The following KDM2B variants were observed in gnomAD, a reference collection of about 807,000 sequenced individuals.
KDM2B encodes the protein lysine-specific demethylase 2B.
Under a neutral mutation model 150.0 loss-of-function variants are expected in KDM2B, and 26 were observed. That is an observed-to-expected ratio of 0.17 (90% CI 0.13 to 0.24). The LOEUF is 0.24. Ranked by LOEUF, KDM2B falls within the 10% of genes least tolerant of loss-of-function variation. The pLI, the probability that KDM2B is intolerant of heterozygous loss-of-function variation, is 1.00. For missense variants in KDM2B, 1,265 were observed against 1,816.9 expected (o/e 0.70, Z 5.52); for synonymous variants, 734 against 729.5 (o/e 1.01, Z -0.10).
At chr12:121,555,456 T>G (rs1555312539) in intron 4 of KDM2B, among the ~76,000 whole-genome samples, 1 of 152,162 alleles carries the variant, frequency 6.6e-6, no homozygotes, top group Non-Finnish European at 1.5e-5. Context: ...CACTGCAACC[T>G]CCACCTCCCT....
At chr12:121,562,762 C>A (rs1005895548) in intron 4 of KDM2B, among the ~76,000 whole-genome samples, 27 of 152,004 alleles carry the variant, frequency 1.8e-4, no homozygotes, top group African/African-American at 6.3e-4. Context: ...CAGGTGCAGT[C>A]CTGGCTCCAC....
At chr12:121,508,809 T>C (rs1344180078) in intron 11 of KDM2B, among the ~76,000 whole-genome samples, 1 of 152,194 alleles carries the variant, frequency 6.6e-6, no homozygotes, top group African/African-American at 2.4e-5. Flanking sequence ...AGCTACATAG[T>C]GCCCGCATCA....
Position 121,443,809 on chromosome 12 carries a change from G to T in KDM2B, c.2452-16C>A. The T allele has an allele frequency of 6.7e-7, 1 of 1,501,248 alleles. No individual in the cohort carries two copies. 93.0% of individuals were successfully genotyped at this position (1,501,248 alleles called of 1,614,324 possible). A position where few individuals can be genotyped will look rare whatever the true frequency, so the allele number is the denominator to read the frequency against. On this transcript the variant is annotated splice_polypyrimidine_tract_variant and intron_variant, in intron 16 of 22. Transcript: ENST00000377071. ...GCGATGAGGCCTAAAGGGGGGTGGA[G>T]TGGGAAGAGGAGTGACTCGCTGGTT... is the stretch of plus-strand genomic sequence containing the variant.
At chr12:121,496,260 C>T (rs933061328) in intron 11 of KDM2B, among the ~76,000 whole-genome samples, 2 of 152,090 alleles carry the variant, frequency 1.3e-5, no homozygotes, top group Non-Finnish European at 2.9e-5. Flanking sequence ...TGTGTTTAAG[C>T]ACACACAGAA....
At chr12:121,563,695 G>C (rs1325980695) in intron 4 of KDM2B, among the ~76,000 whole-genome samples, 1 of 151,930 alleles carries the variant, frequency 6.6e-6, no homozygotes, top group Non-Finnish European at 1.5e-5. Flanking sequence ...GAGGCAGGCA[G>C]ATCACCTGAG....
chr12:121,414,937 C>G, the KDM2B span, among the ~76,000 whole-genome samples: 1 of 152,206 alleles, frequency 6.6e-6, no homozygotes, highest in African/African-American at 2.4e-5. Context: ...TCTACCAAAA[C>G]TACAAAAAAT....
chr12:121,456,352 G>A (rs928172200), intron 12 of KDM2B, among the ~76,000 whole-genome samples: 9 of 152,110 alleles, frequency 5.9e-5, no homozygotes, highest in African/African-American at 1.9e-4. Context: ...ATCCAAAAAC[G>A]TTTCTCCCTG....
At chr12:121,545,941 C>T (rs1458663357) in intron 6 of KDM2B, among the ~76,000 whole-genome samples, 1 of 152,092 alleles carries the variant, frequency 6.6e-6, no homozygotes, top group South Asian at 2.1e-4. Context: ...AAAGCCCTCC[C>T]AGTCTTCTTC....
intron 13 of KDM2B, among the ~76,000 whole-genome samples, chr12:121,450,236 C>A (rs1199773738): frequency 6.6e-6 from 1 of 151,650 alleles, no homozygotes; most frequent in Non-Finnish European, 1.5e-5. Flanking sequence ...ATTTCTTGAA[C>A]CCAGGAGGCA....
At chr12:121,574,058 C>A (rs1162808525) in intron 4 of KDM2B, among the ~76,000 whole-genome samples, 5 of 152,124 alleles carry the variant, frequency 3.3e-5, no homozygotes, top group Non-Finnish European at 5.9e-5. Context: ...ACTGGCCGAG[C>A]GTCCAGAGTA....
chr12:121,552,647 T>G (rs1332077741), intron 4 of KDM2B, among the ~76,000 whole-genome samples: 1 of 143,674 alleles, frequency 7.0e-6, no homozygotes, highest in Non-Finnish European at 1.5e-5. Context: ...CACTCTAGCC[T>G]GGGTGACATG....
chr12:121,571,200 T>C (rs1237565481), intron 4 of KDM2B, among the ~76,000 whole-genome samples: 1 of 152,236 alleles, frequency 6.6e-6, no homozygotes, highest in African/African-American at 2.4e-5. Flanking sequence ...GGGGAATTGA[T>C]ACAGTGTTTC....
chr12:121,443,931 C>T (rs1875650159), intron 16 of KDM2B, 81 bp downstream of exon 16: 2 of 1,511,240 alleles, frequency 1.3e-6, no homozygotes, highest in Non-Finnish European at 1.8e-6. Context: ...CTGCTGCCCA[C>T]CCCCTGCCCC....
At chr12:121,423,729 G>A in the KDM2B span, 3 of 696,148 alleles carry the variant, frequency 4.3e-6, no homozygotes, top group Admixed American at 9.1e-5. This position sits in a 1 kb window ranked among gnomAD's most constrained non-coding sequence, Gnocchi z 4.3. Context: ...ATCCTGAGTT[G>A]TGGAAACATT....
intron 6 of KDM2B, among the ~76,000 whole-genome samples, chr12:121,535,169 G>A (rs1216437706): frequency 4.0e-5 from 6 of 149,356 alleles, no homozygotes; most frequent in East Asian, 3.9e-4. Context: ...CTAACTGTGC[G>A]ACACTCCTAA....
intron 4 of KDM2B, among the ~76,000 whole-genome samples, chr12:121,563,497 C>T (rs1209659157): frequency 6.6e-6 from 1 of 151,762 alleles, no homozygotes; most frequent in Non-Finnish European, 1.5e-5. Flanking sequence ...ATCCTGGCTA[C>T]TCGGGAGGCT....
intron 6 of KDM2B, among the ~76,000 whole-genome samples, chr12:121,547,648 T>C (rs1889167920): frequency 7.4e-6 from 1 of 135,832 alleles, no homozygotes. Context: ...CCCCTTCCTT[T>C]TTTTTTTTTT....
chr12:121,460,286 C>T (rs539445741), intron 12 of KDM2B, among the ~76,000 whole-genome samples: 1 of 152,364 alleles, frequency 6.6e-6, no homozygotes, highest in South Asian at 2.1e-4. Context: ...CACATAAATG[C>T]AATGCAACAT....
chr12:121,440,681 G>T, intron 21 of KDM2B, 135 bp downstream of exon 21: 2 of 893,546 alleles, frequency 2.2e-6, no homozygotes, highest in Non-Finnish European at 3.4e-6. Flanking sequence ...TGTGCCTGAA[G>T]CAAACTGAGA....
Sources: allele counts gnomAD v4.1 joint callset (sites outside exome capture counted in the v4.1 genomes callset), GRCh38; gene constraint gnomAD v4.1.1; non-coding constraint Gnocchi (gnomAD v3.1); transcripts MANE v1.5; gene names NCBI Gene and HGNC (gene_info 2026-07-23, HGNC 2026-07-21).